Variants in CASK observed in about 807,000 individuals in gnomAD.
The protein encoded by CASK is peripheral plasma membrane protein CASK.
In CASK, 4 loss-of-function variants were observed where a neutral mutation model predicts 82.9. That is an observed-to-expected ratio of 0.05 (90% CI 0.02 to 0.11). CASK has a LOEUF of 0.11. CASK is among the 10% of genes least tolerant of loss of function. CASK has a pLI of 1.00. For missense variants in CASK, 358 were observed against 720.9 expected (o/e 0.50, Z 5.76); for synonymous variants, 259 against 253.5 (o/e 1.02, Z -0.20).
intron 21 of CASK, among the ~76,000 whole-genome samples, chrX:41,552,019 C>T (rs753993218): frequency 2.2e-3 from 236 of 107,307 alleles, no homozygotes; most frequent in African/African-American, 6.7e-3. Flanking sequence ...TTCCACTTCT[C>T]GGGCTCAAGC....
intron 3 of CASK, among the ~76,000 whole-genome samples, chrX:41,765,305 T>C (rs1436844152): frequency 8.9e-6 from 1 of 112,371 alleles, no homozygotes; most frequent in East Asian, 2.8e-4. Flanking sequence ...CTAATTTATA[T>C]GACAGAGATT....
intron 1 of CASK, among the ~76,000 whole-genome samples, chrX:41,860,809 T>C (rs1425795988): frequency 1.8e-5 from 2 of 111,340 alleles, no homozygotes; most frequent in South Asian, 3.7e-4. Flanking sequence ...ACACACGGAG[T>C]GGAAAATTAT....
intron 1 of CASK, 65 bp downstream of exon 1, chrX:41,922,865 G>A (rs2072810929): frequency 9.6e-7 from 1 of 1,042,722 alleles, no homozygotes. Flanking sequence ...GAGCGGGTGC[G>A]GGAAGACCGG....
At chrX:41,864,525 A>C (rs1438795035) in intron 1 of CASK, among the ~76,000 whole-genome samples, 3 of 111,949 alleles carry the variant, frequency 2.7e-5, no homozygotes, top group Admixed American at 1.9e-4. Flanking sequence ...TGGACATGAT[A>C]ATCTAAATTT....
intron 6 of CASK, chrX:41,665,976 C>T (rs2067111390): frequency 8.9e-6 from 1 of 112,729 alleles, no homozygotes; most frequent in African/African-American, 3.2e-5. Context: ...CCAATGAAAC[C>T]AAATGCTGAG....
At position 41,620,189 on chromosome X, in the gene CASK, T is replaced by C. The variant is rs140467337; in HGVS notation, c.1033+2428A>G. On this transcript the variant is annotated intron_variant, in intron 11 of 26. Transcript: ENST00000378163. ...TCATAAAGATAAAAGCAGGGACATT[T>C]CCTGTTTTTAAAAGGGAATAGTGGA... is the stretch of plus-strand genomic sequence containing the variant. Among the ~76,000 whole-genome samples the C allele has an allele frequency of 7.0e-3, 785 of 112,511 alleles. 10 individuals are homozygous for C. The highest frequency in any genetic ancestry group is 0.024 in the African/African-American group (746 of 31,091).
chrX:41,815,951 C>T (rs926952361), intron 2 of CASK, among the ~76,000 whole-genome samples: 2 of 110,901 alleles, frequency 1.8e-5, no homozygotes, highest in Admixed American at 1.9e-4. Context: ...ACCTCCGCCT[C>T]CCACACTCAA....
chrX:41,619,489 A>G (rs143212936), intron 11 of CASK, among the ~76,000 whole-genome samples: 427 of 111,119 alleles, frequency 3.8e-3, no homozygotes, highest in African/African-American at 0.013. Context: ...ACCAGTACAA[A>G]CAAGTTTTTC....
intron 1 of CASK, among the ~76,000 whole-genome samples, chrX:41,890,126 AG>A (rs1210405131): frequency 1.8e-5 from 2 of 111,503 alleles, no homozygotes; most frequent in African/African-American, 3.3e-5. Flanking sequence ...CATTCTAAAG[AG>A]GGTTCATTGT....
chrX:41,917,609 T>TAA (rs772721159), intron 1 of CASK, among the ~76,000 whole-genome samples: 10 of 111,731 alleles, frequency 9.0e-5, no homozygotes, highest in African/African-American at 3.3e-4. Context: ...CTGTTGCAGA[T>TAA]ACAAGGAAAA....
chrX:41,627,133 TATTA>T (rs1237927743), intron 9 of CASK, among the ~76,000 whole-genome samples: 1 of 112,448 alleles, frequency 8.9e-6, no homozygotes, highest in African/African-American at 3.2e-5. Flanking sequence ...ACCAGAATGT[TATTA>T]ATTATCTCTG....
intron 5 of CASK, among the ~76,000 whole-genome samples, chrX:41,686,585 G>A (rs1421873208): frequency 9.0e-6 from 1 of 110,984 alleles, no homozygotes; most frequent in African/African-American, 3.3e-5. Flanking sequence ...GACGCAACTC[G>A]TTTGGGACCC....
chrX:41,645,945 G>A (rs746288038), intron 8 of CASK, among the ~76,000 whole-genome samples: 5 of 111,206 alleles, frequency 4.5e-5, no homozygotes, highest in South Asian at 3.8e-4. Flanking sequence ...CTACACTAAC[G>A]ATAGTGTGTG....
intron 2 of CASK, among the ~76,000 whole-genome samples, chrX:41,837,883 T>C (rs1230839864): frequency 8.9e-6 from 1 of 112,359 alleles, no homozygotes; most frequent in Non-Finnish European, 1.9e-5. Context: ...CTGGGTTGTA[T>C]GGCAAATGTA....
Position 41,875,323 on chromosome X carries a change from T to C in CASK, c.60-22096A>G, listed in dbSNP as rs193222324. Among the ~76,000 whole-genome samples, 869 of 112,141 alleles carry C rather than the reference T, an allele frequency of 7.7e-3. 8 individuals carry two copies. The highest frequency in any genetic ancestry group is 0.027 in the African/African-American group (838 of 30,857). On this transcript the variant is annotated intron_variant, in intron 1 of 26. Coordinates refer to ENST00000378163, the MANE Select transcript of CASK (RefSeq NM_001367721.1). ...ACTAAACATTGTGGCCTCCTTTTCCTGTTGAAATGCCTCTCTTCATAACTC... is the reference window on the plus strand; with the variant it reads ...ACTAAACATTGTGGCCTCCTTTTCCCGTTGAAATGCCTCTCTTCATAACTC...
chrX:41,857,539 A>G (rs1374006486), intron 1 of CASK, among the ~76,000 whole-genome samples: 3 of 112,329 alleles, frequency 2.7e-5, no homozygotes, highest in Non-Finnish European at 3.8e-5. Flanking sequence ...CCTCAGAAAG[A>G]TATCACAATT....
At chrX:41,555,706 T>A in intron 19 of CASK, 71 bp from the exon 20 acceptor site, 1 of 761,338 alleles carries the variant, frequency 1.3e-6, no homozygotes, top group Non-Finnish European at 2.0e-6. Context: ...ATTTGTGTGT[T>A]CTGTTACAAT....
At chrX:41,922,601 A>G (rs866374255) in intron 1 of CASK, among the ~76,000 whole-genome samples, 3 of 112,415 alleles carry the variant, frequency 2.7e-5, no homozygotes, top group Admixed American at 1.9e-4. Flanking sequence ...TGGTACATGC[A>G]AGGTAACAAT....
At chrX:41,880,209 T>A (rs1240140412) in intron 1 of CASK, among the ~76,000 whole-genome samples, 2 of 111,763 alleles carry the variant, frequency 1.8e-5, no homozygotes, top group Admixed American at 1.9e-4. Flanking sequence ...TTTTAAAGAT[T>A]AAACAAATGG....
Sources: gnomAD v4.1 joint callset for allele counts (sites outside exome capture counted in the v4.1 genomes callset) on GRCh38, gnomAD v4.1.1 for gene constraint, MANE v1.5 for transcripts, NCBI Gene and HGNC (gene_info 2026-07-23, HGNC 2026-07-21) for gene names.